The following SOCS6 variants were observed in gnomAD, a reference collection of about 807,000 sequenced individuals.
SOCS6 encodes STAT induced STAT inhibitor-4.
SOCS6 carries 5 observed loss-of-function variants against 27.7 expected under a neutral mutation model. The observed-to-expected ratio is 0.18, with a 90% confidence interval of 0.09 to 0.38. The LOEUF is 0.38. SOCS6 is among the 10% of genes least tolerant of loss of function. The probability of loss-of-function intolerance (pLI) is 1.00; values close to 1 mark genes in which losing one functional copy is unlikely to be tolerated. For synonymous variants in SOCS6, 271 were observed against 260.0 expected (o/e 1.04, Z -0.41); for missense variants, 595 against 688.1 (o/e 0.86, Z 1.51).
At position 70,329,303 on chromosome 18, in the gene SOCS6, A is replaced by G. The variant is rs971806698; in HGVS notation, c.*3027A>G. ...AGGAAACCAGCTACACGGGGCAACC[A>G]ACCATCTTGCTGTTGAAGAAAACAG... On this transcript the variant is annotated 3_prime_UTR_variant, in exon 2 of 2. Transcript: ENST00000397942. The G allele has an allele frequency of 5.4e-5, 9 of 167,120 alleles. No homozygotes were observed. Among genetic ancestry groups the G allele is most frequent in the African/African-American group, 2.2e-4 (9 of 41,472 alleles). The allele number at this position is 167,120 out of a possible 1,614,324, so 10.4% of individuals were successfully genotyped here.
chr18:70,311,363 G>T (rs749231149), intron 1 of SOCS6, among the ~76,000 whole-genome samples: 2 of 152,172 alleles, frequency 1.3e-5, no homozygotes, highest in Non-Finnish European at 2.9e-5. Flanking sequence ...AATTCCAACA[G>T]TTTGGGAAGG....
chr18:70,313,456 G>T (rs566539072), intron 1 of SOCS6, among the ~76,000 whole-genome samples: 4 of 151,922 alleles, frequency 2.6e-5, no homozygotes, highest in Non-Finnish European at 4.4e-5. Flanking sequence ...AAGGCCTTCT[G>T]CAGTGCAAGC....
chr18:70,298,030 C>T lies in SOCS6; in HGVS notation c.-127+8940C>T, dbSNP rs190300647. The stretch of plus-strand genomic sequence containing the variant: ...GAGCTTTTGTGTTGATCTGAAGGCT[C>T]TGAGAGCAGTCATAACAGTTGTGTT... On this transcript the variant is annotated intron_variant, in intron 1 of 1. Coordinates refer to ENST00000397942, the MANE Select transcript of SOCS6 (RefSeq NM_004232.4). Among the ~76,000 whole-genome samples, 14 of 152,256 alleles carry T rather than the reference C, an allele frequency of 9.2e-5. No homozygotes were observed. In the East Asian group the frequency reaches 2.5e-3, roughly 27 times the overall value.
chr18:70,327,377 A>G lies in SOCS6; in HGVS notation c.*1101A>G, dbSNP rs1330527279. On this transcript the variant is annotated 3_prime_UTR_variant, in exon 2 of 2. Transcript: ENST00000397942. ...CTATAAAAGTGTGCTGGATTTGACCAATCCTTACCCCCACTATAAAGAGAA... is the reference window on the plus strand; with the variant it reads ...CTATAAAAGTGTGCTGGATTTGACCGATCCTTACCCCCACTATAAAGAGAA... 1.8e-5 allele frequency: 3 copies of G among 166,750 alleles called. No individual in the cohort carries two copies. Among genetic ancestry groups the G allele is most frequent in the Non-Finnish European group, 2.9e-5 (2 of 68,086 alleles). The allele number at this position is 166,750 out of a possible 1,614,324, so 10.3% of individuals were successfully genotyped here.
rs1191527683 is a variant in SOCS6, at chr18:70,327,847, A to G, written c.*1571A>G. The stretch of plus-strand genomic sequence containing the variant: ...TCTTACCCACTTTAAACATGAGGGT[A>G]AAGGTTTAGGTCAAACTTACTGGCT... On this transcript the variant is annotated 3_prime_UTR_variant, in exon 2 of 2. Coordinates refer to ENST00000397942, the MANE Select transcript of SOCS6 (RefSeq NM_004232.4). 2 of 166,890 alleles carry G rather than the reference A, an allele frequency of 1.2e-5. No homozygotes were observed. Among genetic ancestry groups the G allele is most frequent in the East Asian group, 3.9e-4 (2 of 5,178 alleles). The allele number at this position is 166,890 out of a possible 1,614,324, so 10.3% of individuals were successfully genotyped here.
chr18:70,321,012 C>T (rs1040851660), intron 1 of SOCS6, among the ~76,000 whole-genome samples: 2 of 152,110 alleles, frequency 1.3e-5, no homozygotes, highest in African/African-American at 4.8e-5. Flanking sequence ...CATAGTGGCT[C>T]ATACCTGTAA....
intron 1 of SOCS6, among the ~76,000 whole-genome samples, chr18:70,319,097 T>TC (rs1326054863): frequency 6.8e-6 from 1 of 146,664 alleles, no homozygotes; most frequent in African/African-American, 2.5e-5. Context: ...GTATTGTAAT[T>TC]CTTTTTTATT....
chr18:70,291,125 CTTTT>C (rs2062297451), intron 1 of SOCS6, among the ~76,000 whole-genome samples: 1 of 152,156 alleles, frequency 6.6e-6, no homozygotes, highest in Non-Finnish European at 1.5e-5. Context: ...CAAGTATCTT[CTTTT>C]TTGTTTTTCC....
chr18:70,306,839 T>C (rs1296518792), intron 1 of SOCS6, among the ~76,000 whole-genome samples: 2 of 152,250 alleles, frequency 1.3e-5, no homozygotes, highest in Non-Finnish European at 2.9e-5. Context: ...TGTGTGTTTT[T>C]TTCCATCTTT....
At chr18:70,313,097 T>G (rs2062397174) in intron 1 of SOCS6, among the ~76,000 whole-genome samples, 1 of 152,190 alleles carries the variant, frequency 6.6e-6, no homozygotes, top group African/African-American at 2.4e-5. Context: ...TTTTTAATGA[T>G]GAATGAATTG....
intron 1 of SOCS6, among the ~76,000 whole-genome samples, chr18:70,321,846 A>G (rs1043847343): frequency 6.6e-6 from 1 of 152,188 alleles, no homozygotes. Context: ...CAGATTCTGG[A>G]TCTGCTGTTG....
At chr18:70,309,761 G>A (rs1022338062) in intron 1 of SOCS6, among the ~76,000 whole-genome samples, 2 of 152,154 alleles carry the variant, frequency 1.3e-5, no homozygotes, top group Non-Finnish European at 2.9e-5. Context: ...TCAGCTCACT[G>A]CAACTTCCAC....
chr18:70,291,501 T>G (rs1263582428), intron 1 of SOCS6, among the ~76,000 whole-genome samples: 1 of 152,236 alleles, frequency 6.6e-6, no homozygotes, highest in Non-Finnish European at 1.5e-5. Flanking sequence ...TTTTGGGTTA[T>G]TGATCATATC....
chr18:70,321,610 G>A (rs1339098068), intron 1 of SOCS6, among the ~76,000 whole-genome samples: 8 of 151,094 alleles, frequency 5.3e-5, no homozygotes, highest in African/African-American at 1.9e-4. Flanking sequence ...GATTACAGAA[G>A]TGAGCCATCA....
intron 1 of SOCS6, among the ~76,000 whole-genome samples, chr18:70,309,679 C>CTTTATT (rs1163067994): frequency 2.6e-5 from 4 of 151,938 alleles, no homozygotes; most frequent in African/African-American, 4.8e-5. Context: ...AACTTTATGC[C>CTTTATT]TTTATTTTTA....
Position 70,325,098 on chromosome 18 carries a change from T to G in SOCS6, c.430T>G (p.Ser144Ala), listed in dbSNP as rs1334828583. ...PAPWPLRPTN[S>A]EETCIKMEVR... is the part of the protein sequence containing the mutation. ...GCCGTGGCCTCTGCGGCCCACAAAC[T>G]CCGAGGAGACCTGCATCAAGATGGA... Residue 144 changes from serine to alanine, a missense_variant, in exon 2 of 2, where the codon TCC becomes GCC. Coordinates refer to ENST00000397942, the MANE Select transcript of SOCS6 (RefSeq NM_004232.4). This position sits in a 1 kb window ranked among gnomAD's most constrained non-coding sequence, Gnocchi z 6.3. 2 of 1,613,766 alleles carry G rather than the reference T, an allele frequency of 1.2e-6. No homozygotes were observed. The highest frequency in any genetic ancestry group is 1.7e-6 in the Non-Finnish European group (2 of 1,180,000).
At position 70,294,078 on chromosome 18, in the gene SOCS6, G is replaced by A. The variant is rs545300016; in HGVS notation, c.-127+4988G>A. On this transcript the variant is annotated intron_variant, in intron 1 of 1. Transcript: ENST00000397942. ...TGCACTCCAGCCTGGGCAACAGAGC[G>A]AGACTCCGTTTAAAAAAAAAAAAAA... 9.4e-5 allele frequency among the ~76,000 whole-genome samples: 14 copies of A among 148,946 alleles called. No homozygotes were observed. The South Asian group carries it at 2.6e-3, about 27-fold the overall frequency.
chr18:70,299,593 G>T (rs1022783662), intron 1 of SOCS6, among the ~76,000 whole-genome samples: 4 of 152,134 alleles, frequency 2.6e-5, no homozygotes, highest in African/African-American at 9.7e-5. Flanking sequence ...CACACTCTAG[G>T]CACTGGGTCT....
intron 1 of SOCS6, among the ~76,000 whole-genome samples, chr18:70,317,550 TACATAC>T (rs2062417727): frequency 5.1e-5 from 6 of 117,740 alleles, no homozygotes; most frequent in African/African-American, 2.6e-4. Flanking sequence ...ACTTCATATA[TACATAC>T]ACACACACAC....
Sources: gnomAD v4.1 joint callset for allele counts (sites outside exome capture counted in the v4.1 genomes callset) on GRCh38, gnomAD v4.1.1 for gene constraint, Gnocchi (gnomAD v3.1) non-coding constraint, MANE v1.5 for transcripts, NCBI Gene and HGNC (gene_info 2026-07-23, HGNC 2026-07-21) for gene names.